TSPAN5: variants seen among roughly 807,000 people sequenced by gnomAD.
TSPAN5 encodes tetraspanin 5, also known as tetraspanin-5.
Under a neutral mutation model 37.1 loss-of-function variants are expected in TSPAN5, and 10 were observed. That is an observed-to-expected ratio of 0.27 (90% CI 0.17 to 0.46). The LOEUF is 0.46. Ranked by LOEUF, TSPAN5 falls within the 20% of genes least tolerant of loss-of-function variation. The pLI is 1.00. For synonymous variants in TSPAN5, 110 were observed against 118.9 expected (o/e 0.93, Z 0.48); for missense variants, 195 against 326.6 (o/e 0.60, Z 3.11).
chr4:98,507,012 C>T (rs955931), intron 2 of TSPAN5, among the ~76,000 whole-genome samples: 42,216 of 151,958 alleles, frequency 0.28, 7,259 homozygotes, highest in African/African-American at 0.46. Context: ...TGCATGAGTG[C>T]GTTGCTTAGA....
chr4:98,625,295 T>C (rs1383363326), intron 1 of TSPAN5, among the ~76,000 whole-genome samples: 1 of 152,192 alleles, frequency 6.6e-6, no homozygotes, highest in Non-Finnish European at 1.5e-5. Flanking sequence ...ATCCTTACAA[T>C]GAGCTTGTGA....
chr4:98,625,296 G>C (rs1756575320), intron 1 of TSPAN5, among the ~76,000 whole-genome samples: 1 of 152,176 alleles, frequency 6.6e-6, no homozygotes, highest in African/African-American at 2.4e-5. Context: ...TCCTTACAAT[G>C]AGCTTGTGAA....
intron 1 of TSPAN5, among the ~76,000 whole-genome samples, chr4:98,520,566 C>A (rs1753831288): frequency 6.6e-6 from 1 of 152,142 alleles, no homozygotes; most frequent in Non-Finnish European, 1.5e-5. Context: ...GAGTCAGGAG[C>A]CCCCAGGTGT....
At chr4:98,507,186 T>C (rs888289390) in intron 2 of TSPAN5, among the ~76,000 whole-genome samples, 2 of 152,224 alleles carry the variant, frequency 1.3e-5, no homozygotes, top group Non-Finnish European at 2.9e-5. Context: ...TGAGTGTATT[T>C]GATACTCAAA....
intron 7 of TSPAN5, 76 bp from the exon 8 acceptor site, chr4:98,472,663 TA>T: frequency 2.3e-6 from 3 of 1,282,406 alleles, no homozygotes; most frequent in Non-Finnish European, 3.3e-6. Context: ...CCCATTTTTT[TA>T]AATCATTGAT....
intron 1 of TSPAN5, among the ~76,000 whole-genome samples, chr4:98,543,245 T>G (rs995857351): frequency 6.6e-6 from 1 of 152,166 alleles, no homozygotes; most frequent in Non-Finnish European, 1.5e-5. Context: ...CAACAGCGTT[T>G]CAACTCTGCA....
rs1049783811 is a variant in TSPAN5, at chr4:98,498,772, C to T, written c.132+8906G>A. On this transcript the variant is annotated intron_variant, in intron 2 of 7. Transcript: ENST00000305798. ...CTTGACCCGCACAGCCATTAGGGCC[C>T]GACTCTGCCTAGGAAGGGGCTGTGG... is the stretch of plus-strand genomic sequence containing the variant. 2.6e-5 allele frequency among the ~76,000 whole-genome samples: 4 copies of T among 152,102 alleles called. 1 individual carries two copies. The highest frequency in any genetic ancestry group is 3.9e-4 in the East Asian group (2 of 5,176).
At chr4:98,600,645 T>C (rs1317364264) in intron 1 of TSPAN5, among the ~76,000 whole-genome samples, 1 of 152,188 alleles carries the variant, frequency 6.6e-6, no homozygotes, top group African/African-American at 2.4e-5. Flanking sequence ...TAATTCTAGT[T>C]CTCTTGCTAT....
At chr4:98,626,886 G>GTT (rs34770397) in intron 1 of TSPAN5, among the ~76,000 whole-genome samples, 2,694 of 83,266 alleles carry the variant, frequency 0.032, 56 homozygotes, top group South Asian at 0.039. Flanking sequence ...ATGAGAGCAG[G>GTT]TTTTTTTTTT....
At chr4:98,543,411 A>G (rs1174438231) in intron 1 of TSPAN5, among the ~76,000 whole-genome samples, 1 of 115,718 alleles carries the variant, frequency 8.6e-6, no homozygotes, top group African/African-American at 3.5e-5. Context: ...CAATTCTGCT[A>G]CTTTAGAATT....
chr4:98,602,767 TA>T (rs1755911445), intron 1 of TSPAN5, among the ~76,000 whole-genome samples: 1 of 152,222 alleles, frequency 6.6e-6, no homozygotes, highest in Admixed American at 6.5e-5. Context: ...AAGGGACTGG[TA>T]ACCCCTTTAA....
In TSPAN5 at chr4:98,554,525, A is replaced by G. The variant is rs114485502; in HGVS notation, c.82-46797T>C. On this transcript the variant is annotated intron_variant, in intron 1 of 7. Transcript: ENST00000305798. Reference sequence around the variant, plus strand: ...ACATCCATAAATGCCATTGTACACAATCATCATTAAAATTCACTGTGGAAT... The same window carrying G: ...ACATCCATAAATGCCATTGTACACAGTCATCATTAAAATTCACTGTGGAAT... Among the ~76,000 whole-genome samples the G allele has an allele frequency of 6.3e-3, 955 of 152,348 alleles. 18 individuals are homozygous for G. The highest frequency in any genetic ancestry group is 0.022 in the African/African-American group (902 of 41,582).
chr4:98,646,949 A>C (rs1209010044), intron 1 of TSPAN5, among the ~76,000 whole-genome samples: 1 of 152,218 alleles, frequency 6.6e-6, no homozygotes, highest in African/African-American at 2.4e-5. Flanking sequence ...TATTAATAAT[A>C]TTAATACTAC....
At chr4:98,497,248 C>T (rs913134405) in intron 2 of TSPAN5, among the ~76,000 whole-genome samples, 3 of 146,024 alleles carry the variant, frequency 2.1e-5, no homozygotes, top group African/African-American at 7.6e-5. Flanking sequence ...ATCCAGGAGG[C>T]GGAGGTTGCA....
At position 98,556,317 on chromosome 4, in the gene TSPAN5, C is replaced by A. The variant is rs79917530; in HGVS notation, c.82-48589G>T. On this transcript the variant is annotated intron_variant, in intron 1 of 7. Coordinates refer to ENST00000305798, the MANE Select transcript of TSPAN5 (RefSeq NM_005723.4). ...TCCCTAACTGCATCTCATTCACCCACGTGGTGGGTTTCAAACTTGCTCTGA... is the reference window on the plus strand; with the variant it reads ...TCCCTAACTGCATCTCATTCACCCAAGTGGTGGGTTTCAAACTTGCTCTGA... Among the ~76,000 whole-genome samples, 744 of 152,310 alleles carry A rather than the reference C, an allele frequency of 4.9e-3. 19 individuals are homozygous for A. The highest frequency in any genetic ancestry group is 0.038 in the East Asian group (199 of 5,178).
rs1322277292 is a variant in TSPAN5 at position 98,482,192 on chromosome 4, A to T, written c.280-17T>A. Reference sequence around the variant, plus strand: ...CACAGAAAACTAAGATAAAAGACACATACACAGAGAACAGTTATAAGGGCT... The same window carrying T: ...CACAGAAAACTAAGATAAAAGACACTTACACAGAGAACAGTTATAAGGGCT... On this transcript the variant is annotated splice_polypyrimidine_tract_variant and intron_variant, in intron 3 of 7. Transcript: ENST00000305798. The T allele has an allele frequency of 6.2e-7, 1 of 1,612,060 alleles. No homozygotes were observed. Among genetic ancestry groups the T allele is most frequent in the African/African-American group, 1.3e-5 (1 of 74,716 alleles).
intron 1 of TSPAN5, among the ~76,000 whole-genome samples, chr4:98,620,132 A>G (rs4699356): frequency 0.58 from 87,378 of 151,938 alleles, 26,511 homozygotes; most frequent in African/African-American, 0.77. Flanking sequence ...CAGCCTTATG[A>G]CAGCTTAACC....
intron 1 of TSPAN5, among the ~76,000 whole-genome samples, chr4:98,520,590 A>G (rs1016434184): frequency 6.6e-6 from 1 of 152,208 alleles, no homozygotes; most frequent in Non-Finnish European, 1.5e-5. Context: ...GGCGAGCTGC[A>G]GAGTAACTGT....
In TSPAN5 at chr4:98,632,497, C is replaced by T. The variant is rs143343945; in HGVS notation, c.81+25649G>A. 3.3e-5 allele frequency among the ~76,000 whole-genome samples: 5 copies of T among 152,256 alleles called. No homozygotes were observed. In the East Asian group the frequency reaches 9.7e-4, roughly 29 times the overall value. On this transcript the variant is annotated intron_variant, in intron 1 of 7. Transcript: ENST00000305798. ...GTAACTTTGAAAGTGAAAGGGGACA[C>T]TATTAATAAATTACATGGGGACTTC...
Sources: gnomAD v4.1 joint callset for allele counts (sites outside exome capture counted in the v4.1 genomes callset) on GRCh38, gnomAD v4.1.1 for gene constraint, MANE v1.5 for transcripts, NCBI Gene and HGNC (gene_info 2026-07-23, HGNC 2026-07-21) for gene names.